The following PDE3A variants were observed in gnomAD, a reference collection of about 807,000 sequenced individuals.
PDE3A encodes cGMP-inhibited 3',5'-cyclic phosphodiesterase 3A.
PDE3A carries 43 observed loss-of-function variants against 98.3 expected under a neutral mutation model. The ratio of observed to expected loss-of-function variants is 0.44; its 90% confidence interval spans 0.34 to 0.56. The LOEUF (loss-of-function observed/expected upper bound fraction) is 0.56, where lower values mean the gene tolerates loss of function less well. Among genes scored for constraint, PDE3A ranks in the 20% least tolerant of loss-of-function variants. PDE3A has a pLI of 0.01. For synonymous variants in PDE3A, 663 were observed against 567.9 expected (o/e 1.17, Z -2.38); for missense variants, 1,427 against 1,440.7 (o/e 0.99, Z 0.15).
intron 15 of PDE3A, among the ~76,000 whole-genome samples, chr12:20,675,592 A>G (rs908673582): frequency 6.6e-6 from 1 of 152,166 alleles, no homozygotes; most frequent in Admixed American, 6.6e-5. Flanking sequence ...TGGGTGTGAT[A>G]CTGCTTCTCA....
intron 8 of PDE3A, among the ~76,000 whole-genome samples, chr12:20,635,448 C>T (rs1030424719): frequency 6.6e-6 from 1 of 151,908 alleles, no homozygotes. Context: ...CGTGGTGGCA[C>T]GCACCTGTAT....
chr12:20,386,051 A>AAAT (rs1565532412), intron 1 of PDE3A, among the ~76,000 whole-genome samples: 5 of 30,308 alleles, frequency 1.6e-4, no homozygotes, highest in Admixed American at 5.0e-4. Flanking sequence ...AATATATATA[A>AAAT]ATATATATAA....
chr12:20,610,055 T>C lies in PDE3A; in HGVS notation c.1012-3388T>C, dbSNP rs534524553. Among the ~76,000 whole-genome samples, 470 of 151,638 alleles carry C rather than the reference T, an allele frequency of 3.1e-3. 2 individuals carry two copies. Among genetic ancestry groups the C allele is most frequent in the Non-Finnish European group, 4.9e-3 (333 of 67,826 alleles). ...GAAAAAATAAGTAAATGGGGCCACA[T>C]CAAACTAAATAGCTTCTGCACAGGA... On this transcript the variant is annotated intron_variant, in intron 2 of 15. Transcript: ENST00000359062.
intron 1 of PDE3A, among the ~76,000 whole-genome samples, chr12:20,509,175 T>G (rs1400038416): frequency 6.6e-6 from 1 of 152,080 alleles, no homozygotes; most frequent in Non-Finnish European, 1.5e-5. Flanking sequence ...ACAGCTATAT[T>G]AATCTGCTTC....
At chr12:20,447,437 C>G (rs1944976600) in intron 1 of PDE3A, among the ~76,000 whole-genome samples, 2 of 152,172 alleles carry the variant, frequency 1.3e-5, no homozygotes, top group South Asian at 4.1e-4. Flanking sequence ...TCAGCCCCAT[C>G]TCTCAACCTC....
At position 20,499,013 on chromosome 12, in the gene PDE3A, A is replaced by G. The variant is rs558179369; in HGVS notation, c.961-57647A>G. Reference sequence around the variant, plus strand: ...TTTTTGGTAGAAAATTGGCATATGCATGTGTTTTTGCACTTTTGGGGCCAT... The same window carrying G: ...TTTTTGGTAGAAAATTGGCATATGCGTGTGTTTTTGCACTTTTGGGGCCAT... On this transcript the variant is annotated intron_variant, in intron 1 of 15. Transcript: ENST00000359062. Among the ~76,000 whole-genome samples, 21 of 152,256 alleles carry G rather than the reference A, an allele frequency of 1.4e-4. No homozygotes were observed. In the South Asian group the frequency reaches 4.4e-3, roughly 32 times the overall value.
chr12:20,464,844 A>G (rs1945312525), intron 1 of PDE3A, among the ~76,000 whole-genome samples: 1 of 152,148 alleles, frequency 6.6e-6, no homozygotes, highest in Admixed American at 6.5e-5. Flanking sequence ...ATACCCAGCT[A>G]TTTACCATCC....
intron 15 of PDE3A, among the ~76,000 whole-genome samples, chr12:20,670,039 A>C (rs200182497): frequency 2.7e-5 from 4 of 150,700 alleles, no homozygotes; most frequent in Admixed American, 2.6e-4. Context: ...AAAGGCAGGG[A>C]TTGCAATCCT....
At chr12:20,472,750 C>A (rs1190281018) in intron 1 of PDE3A, among the ~76,000 whole-genome samples, 1 of 152,060 alleles carries the variant, frequency 6.6e-6, no homozygotes, top group Non-Finnish European at 1.5e-5. Flanking sequence ...CTTTTAATCT[C>A]ATTTTGGGGA....
intron 4 of PDE3A, among the ~76,000 whole-genome samples, chr12:20,620,077 T>C (rs1944096841): frequency 6.6e-6 from 1 of 152,114 alleles, no homozygotes; most frequent in Admixed American, 6.6e-5. Flanking sequence ...TAGCATGCAG[T>C]GTTCTAAGCA....
intron 1 of PDE3A, among the ~76,000 whole-genome samples, chr12:20,379,497 A>G (rs949789099): frequency 2.6e-5 from 4 of 151,754 alleles, no homozygotes; most frequent in Non-Finnish European, 4.4e-5. Context: ...TCAGATTAAG[A>G]CAATTTTTAT....
chr12:20,586,864 G>T (rs1943209427), intron 2 of PDE3A, among the ~76,000 whole-genome samples: 1 of 152,108 alleles, frequency 6.6e-6, no homozygotes, highest in African/African-American at 2.4e-5. Context: ...CACTGATAGT[G>T]GACTAAGTAG....
Position 20,625,094 on chromosome 12 carries a change from C to T in PDE3A, c.1540+3683C>T, listed in dbSNP as rs546397347. 7.2e-5 allele frequency among the ~76,000 whole-genome samples: 11 copies of T among 152,212 alleles called. No individual in the cohort carries two copies. In the South Asian group the frequency reaches 1.2e-3, roughly 17 times the overall value. ...GAGGGCTAATGAAATCTGTTCTTTG[C>T]GCAAATCAAGTAAACAGCGTGTCCT... On this transcript the variant is annotated intron_variant, in intron 5 of 15. Transcript: ENST00000359062.
At chr12:20,675,343 T>G (rs912196739) in intron 15 of PDE3A, among the ~76,000 whole-genome samples, 1 of 152,218 alleles carries the variant, frequency 6.6e-6, no homozygotes, top group Non-Finnish European at 1.5e-5. Context: ...ATCTGGTCTA[T>G]CCTGGAGAAT....
intron 15 of PDE3A, among the ~76,000 whole-genome samples, chr12:20,679,527 C>T (rs1379841671): frequency 3.3e-5 from 5 of 152,130 alleles, no homozygotes; most frequent in South Asian, 2.1e-4. Context: ...GATTCACAGA[C>T]GTGAGCCACT....
At chr12:20,624,849 T>A (rs1036122484) in intron 5 of PDE3A, among the ~76,000 whole-genome samples, 1 of 152,152 alleles carries the variant, frequency 6.6e-6, no homozygotes, top group Non-Finnish European at 1.5e-5. Flanking sequence ...GGTTGTGACA[T>A]GTTTGATGCA....
intron 1 of PDE3A, among the ~76,000 whole-genome samples, chr12:20,489,034 A>C (rs1244787125): frequency 6.6e-6 from 1 of 152,224 alleles, no homozygotes; most frequent in Non-Finnish European, 1.5e-5. Context: ...TCTGGAATAC[A>C]TCAATTGTTT....
intron 1 of PDE3A, among the ~76,000 whole-genome samples, chr12:20,446,678 A>G (rs746625754): frequency 7.2e-5 from 11 of 152,258 alleles, no homozygotes; most frequent in Middle Eastern, 3.4e-3. Context: ...CAATAGGTAA[A>G]TCTTCTATTC....
chr12:20,491,214 C>T (rs1046843681), intron 1 of PDE3A, among the ~76,000 whole-genome samples: 6 of 152,156 alleles, frequency 3.9e-5, no homozygotes, highest in African/African-American at 1.2e-4. Context: ...ATACCCAAAC[C>T]GAAAGTGAAC....
Sources: allele counts gnomAD v4.1 joint callset (sites outside exome capture counted in the v4.1 genomes callset), GRCh38; gene constraint gnomAD v4.1.1; transcripts MANE v1.5; gene names NCBI Gene and HGNC (gene_info 2026-07-23, HGNC 2026-07-21).